SMC6: variants seen among roughly 807,000 people sequenced by gnomAD.
SMC6 encodes the protein structural maintenance of chromosomes protein 6.
In SMC6, 79 loss-of-function variants were observed where a neutral mutation model predicts 142.2. That is an observed-to-expected ratio of 0.56 (90% CI 0.46 to 0.67). The LOEUF (loss-of-function observed/expected upper bound fraction) is 0.67. Ranked by LOEUF, SMC6 falls within the 30% of genes least tolerant of loss-of-function variation. The pLI is 0.00. For synonymous variants in SMC6, 411 were observed against 412.4 expected (o/e 1.00, Z 0.04); for missense variants, 1,072 against 1,284.0 (o/e 0.83, Z 2.52).
At chr2:17,682,407 A>G (rs928817945) in intron 24 of SMC6, among the ~76,000 whole-genome samples, 3 of 152,210 alleles carry the variant, frequency 2.0e-5, no homozygotes, top group African/African-American at 7.2e-5. Context: ...AGGAGTAGAA[A>G]TCAAAGTGGA....
At chr2:17,723,307 C>T (rs1178117777) in intron 9 of SMC6, among the ~76,000 whole-genome samples, 1 of 152,200 alleles carries the variant, frequency 6.6e-6, no homozygotes, top group Non-Finnish European at 1.5e-5. Flanking sequence ...AGTTCATTCT[C>T]TTGTACAGCA....
Position 17,741,775 on chromosome 2 carries a change from CATT to C in SMC6, c.121-49_121-47del, listed in dbSNP as rs777978617. The C allele has an allele frequency of 1.6e-5, 20 of 1,242,344 alleles. No individual in the cohort carries two copies. The Admixed American group carries it at 3.0e-4, about 19-fold the overall frequency. The allele number at this position is 1,242,344 out of a possible 1,614,324, so 77.0% of individuals were successfully genotyped here. A position where few individuals can be genotyped will look rare whatever the true frequency, so the allele number is the denominator to read the frequency against. On this transcript the variant is annotated intron_variant, in intron 3 of 27. Coordinates refer to ENST00000448223, the MANE Select transcript of SMC6 (RefSeq NM_001142286.2). The stretch of plus-strand genomic sequence containing the variant: ...GAGAAAATGGTCAATCTAATTCACT[CATT>C]ATAACCATTCAAGCATTGTTGGCAT...
At chr2:17,724,246 A>C (rs1397915504) in intron 9 of SMC6, among the ~76,000 whole-genome samples, 1 of 152,222 alleles carries the variant, frequency 6.6e-6, no homozygotes, top group East Asian at 1.9e-4. Context: ...GTAACTCCTT[A>C]AACACCACCA....
chr2:17,666,312 A>G (rs1666494505), intron 27 of SMC6, 108 bp downstream of exon 27: 2 of 758,048 alleles, frequency 2.6e-6, no homozygotes, highest in Non-Finnish European at 4.2e-6. Flanking sequence ...GCTAATTTTT[A>G]TTTTCATTGG....
intron 25 of SMC6, among the ~76,000 whole-genome samples, chr2:17,670,780 A>G (rs988698001): frequency 3.3e-5 from 5 of 152,246 alleles, no homozygotes; most frequent in African/African-American, 4.8e-5. Context: ...CTCTACTGCA[A>G]GAGAATAAAA....
At chr2:17,706,396 A>T (rs1162015236) in intron 18 of SMC6, among the ~76,000 whole-genome samples, 1 of 152,190 alleles carries the variant, frequency 6.6e-6, no homozygotes, top group Non-Finnish European at 1.5e-5. Flanking sequence ...AAACTTTCCA[A>T]CATCCATTAT....
intron 23 of SMC6, among the ~76,000 whole-genome samples, chr2:17,687,506 T>C (rs1424940409): frequency 6.8e-6 from 1 of 147,126 alleles, no homozygotes; most frequent in African/African-American, 2.5e-5. Context: ...AGCAAGATGG[T>C]TGACTACCTT....
intron 3 of SMC6, among the ~76,000 whole-genome samples, chr2:17,742,342 G>A (rs1670515036): frequency 6.6e-6 from 1 of 152,128 alleles, no homozygotes; most frequent in Admixed American, 6.5e-5. Flanking sequence ...TGCTCTTCTT[G>A]TGACTTTGTC....
At chr2:17,732,024 T>C (rs1296724906) in intron 5 of SMC6, 147 bp from the exon 6 acceptor site, 1 of 691,718 alleles carries the variant, frequency 1.4e-6, no homozygotes, top group African/African-American at 1.8e-5. Context: ...TGACACTGAT[T>C]GTTCACTACA....
intron 25 of SMC6, among the ~76,000 whole-genome samples, chr2:17,674,233 T>C (rs1015144741): frequency 6.6e-6 from 1 of 152,238 alleles, no homozygotes; most frequent in African/African-American, 2.4e-5. Flanking sequence ...GGCTGTATCA[T>C]ACAAGTTTTG....
intron 5 of SMC6, among the ~76,000 whole-genome samples, chr2:17,737,698 T>C (rs1172895805): frequency 1.3e-5 from 2 of 152,180 alleles, no homozygotes; most frequent in African/African-American, 2.4e-5. Context: ...TCTGTCATTG[T>C]GGTCCTCAAA....
intron 16 of SMC6, among the ~76,000 whole-genome samples, chr2:17,712,169 C>T (rs1011985691): frequency 1.4e-4 from 22 of 152,072 alleles, no homozygotes; most frequent in Non-Finnish European, 2.9e-4. Context: ...CAACCGGATT[C>T]GGCAACAAGG....
At chr2:17,733,199 C>T (rs1669991129) in intron 5 of SMC6, among the ~76,000 whole-genome samples, 1 of 152,204 alleles carries the variant, frequency 6.6e-6, no homozygotes. Flanking sequence ...GGAAGAAATA[C>T]TCCAGATGAG....
intron 23 of SMC6, among the ~76,000 whole-genome samples, 196 bp downstream of exon 23, chr2:17,694,956 T>C (rs1159060920): frequency 6.6e-6 from 1 of 152,186 alleles, no homozygotes; most frequent in Non-Finnish European, 1.5e-5. Context: ...AATTCCATAA[T>C]GAGTTTTGTA....
intron 23 of SMC6, among the ~76,000 whole-genome samples, chr2:17,691,344 GTGTGTC>G (rs987292215): frequency 5.5e-5 from 5 of 91,704 alleles, no homozygotes; most frequent in South Asian, 2.7e-4. Flanking sequence ...CTCTGTGTGT[GTGTGTC>G]TGTGTGTGTG....
chr2:17,718,291 C>G (rs77083822), intron 11 of SMC6, 68 bp from the exon 12 acceptor site: 154,638 of 1,128,074 alleles, frequency 0.14, 11,804 homozygotes, highest in Middle Eastern at 0.16. Flanking sequence ...AAATAATTAT[C>G]TATAGTTCAT....
chr2:17,676,943 T>C (rs1249420808), intron 25 of SMC6, among the ~76,000 whole-genome samples: 1 of 152,164 alleles, frequency 6.6e-6, no homozygotes, highest in Non-Finnish European at 1.5e-5. Context: ...GTAGCTCTTT[T>C]TGTAGATTCC....
In SMC6 at chr2:17,731,306, G is replaced by A. The variant is rs141245730; in HGVS notation, c.482-167C>T. On this transcript the variant is annotated intron_variant, in intron 6 of 27. Coordinates refer to ENST00000448223, the MANE Select transcript of SMC6 (RefSeq NM_001142286.2). Reference sequence around the variant, plus strand: ...GAATGAACATGGCACAAGTACAGAGGAAGAAAAAGTACCCACATGCAATAA... The same window carrying A: ...GAATGAACATGGCACAAGTACAGAGAAAGAAAAAGTACCCACATGCAATAA... 4.8e-3 allele frequency among the ~76,000 whole-genome samples: 734 copies of A among 152,292 alleles called. 3 individuals are homozygous for A. The highest frequency in any genetic ancestry group is 6.6e-3 in the Non-Finnish European group (451 of 68,014).
intron 26 of SMC6, among the ~76,000 whole-genome samples, chr2:17,669,096 G>A (rs752099452): frequency 7.2e-5 from 11 of 152,236 alleles, no homozygotes; most frequent in South Asian, 2.1e-4. Context: ...ACCAAAGAGC[G>A]GTCTTAAAGG....
Sources: allele counts gnomAD v4.1 joint callset (sites outside exome capture counted in the v4.1 genomes callset), GRCh38; gene constraint gnomAD v4.1.1; transcripts MANE v1.5; gene names NCBI Gene and HGNC (gene_info 2026-07-23, HGNC 2026-07-21).